DLEU7: variants seen among roughly 807,000 people sequenced by gnomAD.
The protein encoded by DLEU7 is deleted in lymphocytic leukemia 7.
In DLEU7, 17 loss-of-function variants were observed where a neutral mutation model predicts 16.0. The observed-to-expected ratio is 1.06, with a 90% CI of 0.73 to 1.59. DLEU7 has a LOEUF of 1.59. DLEU7 is among the 40% of genes most tolerant of loss of function. DLEU7 has a pLI of 0.00. For synonymous variants in DLEU7, 113 were observed against 139.8 expected (o/e 0.81, Z 1.35); for missense variants, 308 against 314.9 (o/e 0.98, Z 0.17).
At chr13:50,737,198 T>C (rs1052950077) in intron 1 of DLEU7, among the ~76,000 whole-genome samples, 1 of 152,096 alleles carries the variant, frequency 6.6e-6, no homozygotes, top group Admixed American at 6.6e-5. Context: ...TAGACTGATA[T>C]CTCTCATGCA....
At chr13:50,764,022 T>C (rs1477185744) in intron 1 of DLEU7, among the ~76,000 whole-genome samples, 1 of 152,224 alleles carries the variant, frequency 6.6e-6, no homozygotes. Flanking sequence ...GTGTTTATAG[T>C]CCCGCACTGC....
chr13:50,712,228 T>C (rs980468712), exon 2 of DLEU7: 1 of 152,246 alleles, frequency 6.6e-6, no homozygotes, highest in African/African-American at 2.4e-5. Context: ...TTCTTTGCTT[T>C]GATTTGTAAC....
At chr13:50,794,602 G>A (rs1354964496) in intron 1 of DLEU7, among the ~76,000 whole-genome samples, 2 of 152,184 alleles carry the variant, frequency 1.3e-5, no homozygotes, top group African/African-American at 4.8e-5. Context: ...CTTGCTACTT[G>A]TACTTGTGCT....
intron 1 of DLEU7, among the ~76,000 whole-genome samples, chr13:50,781,043 C>T (rs2137765401): frequency 6.6e-6 from 1 of 152,294 alleles, no homozygotes; most frequent in East Asian, 1.9e-4. Flanking sequence ...TGATTTTCTG[C>T]CTGCATTTTC....
At chr13:50,826,239 C>T (rs756785853) in intron 1 of DLEU7, among the ~76,000 whole-genome samples, 2 of 152,034 alleles carry the variant, frequency 1.3e-5, no homozygotes, top group East Asian at 1.9e-4. Context: ...TCCTACTGTG[C>T]GGTGTGGTTC....
chr13:50,832,696 G>C (rs911872321), intron 1 of DLEU7, among the ~76,000 whole-genome samples: 2 of 152,088 alleles, frequency 1.3e-5, no homozygotes, highest in African/African-American at 2.4e-5. Context: ...GTTCTCATTG[G>C]TTTCAAAGAA....
intron 1 of DLEU7, among the ~76,000 whole-genome samples, chr13:50,768,863 A>G (rs1263128041): frequency 6.6e-6 from 1 of 152,192 alleles, no homozygotes; most frequent in Non-Finnish European, 1.5e-5. Flanking sequence ...TTGCCACACC[A>G]TCTTCCACAA....
chr13:50,712,527 T>G (rs1873321291), exon 2 of DLEU7: 1 of 152,660 alleles, frequency 6.6e-6, no homozygotes, highest in African/African-American at 2.4e-5. Context: ...TTTTTTACTC[T>G]CATCCAACAG....
At chr13:50,792,273 T>C (rs967020008) in intron 1 of DLEU7, among the ~76,000 whole-genome samples, 2 of 152,218 alleles carry the variant, frequency 1.3e-5, no homozygotes, top group African/African-American at 4.8e-5. Flanking sequence ...AATTGAATTA[T>C]CAAATAATTC....
chr13:50,746,462 T>G (rs571211461), intron 1 of DLEU7, among the ~76,000 whole-genome samples: 1 of 152,312 alleles, frequency 6.6e-6, no homozygotes, highest in Admixed American at 6.5e-5. Flanking sequence ...TAAATTTAAT[T>G]TCCTGATAGA....
intron 1 of DLEU7, chr13:50,808,656 G>A (rs1158226052): frequency 6.6e-6 from 1 of 152,090 alleles, no homozygotes; most frequent in Non-Finnish European, 1.5e-5. Flanking sequence ...TTGAGTAGAT[G>A]AGGGTGCCAA....
At chr13:50,752,690 C>G (rs553597605) in intron 1 of DLEU7, among the ~76,000 whole-genome samples, 1 of 151,258 alleles carries the variant, frequency 6.6e-6, no homozygotes, top group African/African-American at 2.4e-5. Context: ...TCATTCCTGC[C>G]AGTGGGTTCG....
At chr13:50,807,692 A>G (rs1876434758) in intron 1 of DLEU7, among the ~76,000 whole-genome samples, 1 of 152,148 alleles carries the variant, frequency 6.6e-6, no homozygotes, top group South Asian at 2.1e-4. Flanking sequence ...CTCTTTACTC[A>G]TAAGCCAGCC....
chr13:50,773,715 G>C (rs1593390612), intron 1 of DLEU7, among the ~76,000 whole-genome samples: 1 of 152,206 alleles, frequency 6.6e-6, no homozygotes, highest in Non-Finnish European at 1.5e-5. Context: ...CTCCCAGTTA[G>C]GCTACATGGG....
chr13:50,763,954 C>G (rs1263506644), intron 1 of DLEU7, among the ~76,000 whole-genome samples: 46 of 152,204 alleles, frequency 3.0e-4, no homozygotes, highest in Admixed American at 3.0e-3. Context: ...ATGGGAGGTG[C>G]TGTTACTGAT....
chr13:50,734,798 A>G (rs2137719828), intron 1 of DLEU7, among the ~76,000 whole-genome samples: 1 of 152,332 alleles, frequency 6.6e-6, no homozygotes, highest in South Asian at 2.1e-4. Flanking sequence ...ATTTGAAGAA[A>G]TAATATGCAA....
chr13:50,776,642 AC>A (rs1306250295), intron 1 of DLEU7, among the ~76,000 whole-genome samples: 2 of 151,856 alleles, frequency 1.3e-5, no homozygotes, highest in Non-Finnish European at 2.9e-5. Context: ...AAACTACCTC[AC>A]CCCCAAATCC....
intron 1 of DLEU7, among the ~76,000 whole-genome samples, chr13:50,790,291 CTTTT>C (rs1243143043): frequency 2.6e-5 from 4 of 152,058 alleles, no homozygotes; most frequent in Admixed American, 6.5e-5. Flanking sequence ...ATATCTCTTT[CTTTT>C]GTTAAAAATA....
chr13:50,713,110 A>G, exon 2 of DLEU7: 2 of 1,332,244 alleles, frequency 1.5e-6, no homozygotes, highest in East Asian at 2.5e-5. Context: ...CGTGGTAATA[A>G]GAAGTGGTTT....
Sources: allele counts gnomAD v4.1 joint callset (sites outside exome capture counted in the v4.1 genomes callset), GRCh38; gene constraint gnomAD v4.1.1; transcripts MANE v1.5; gene names NCBI Gene and HGNC (gene_info 2026-07-23, HGNC 2026-07-21).